The following MGST1 variants were observed in gnomAD, a reference collection of about 807,000 sequenced individuals.
The protein encoded by MGST1 is glutathione S-transferase 12.
In MGST1, 5 loss-of-function variants were observed where a neutral mutation model predicts 8.9. That is an observed-to-expected ratio of 0.56 (90% CI 0.29 to 1.19). The LOEUF is 1.19. MGST1 is among the 50% of genes most tolerant of loss of function. MGST1 has a pLI of 0.08. For missense variants in MGST1, 182 were observed against 187.4 expected (o/e 0.97, Z 0.17); for synonymous variants, 54 against 67.8 (o/e 0.80, Z 1.00).
chr12:16,502,101 A>G (rs1591746344), intron 4 of MGST1, among the ~76,000 whole-genome samples: 2 of 152,222 alleles, frequency 1.3e-5, no homozygotes, highest in East Asian at 3.8e-4. Context: ...ATTGTCGAAG[A>G]CAAATGAATT....
chr12:16,394,733 A>G (rs1163452400), intron 1 of MGST1, among the ~76,000 whole-genome samples: 1 of 151,882 alleles, frequency 6.6e-6, no homozygotes, highest in East Asian at 1.9e-4. Flanking sequence ...AGTAGCTGGG[A>G]CTATAGGTGC....
At chr12:16,385,172 A>G (rs1261757410) in intron 1 of MGST1, among the ~76,000 whole-genome samples, 1 of 152,228 alleles carries the variant, frequency 6.6e-6, no homozygotes, top group Non-Finnish European at 1.5e-5. Context: ...ATTTGGAACT[A>G]AAGATCGCCT....
At chr12:16,387,266 G>C (rs1456390559) in intron 1 of MGST1, among the ~76,000 whole-genome samples, 1 of 152,164 alleles carries the variant, frequency 6.6e-6, no homozygotes, top group East Asian at 1.9e-4. Context: ...ATATATGGCT[G>C]TGGACCCATA....
chr12:16,468,392 G>A (rs1009825934), intron 4 of MGST1, among the ~76,000 whole-genome samples: 1 of 7,650 alleles, frequency 1.3e-4, no homozygotes, highest in African/African-American at 1.5e-4. Flanking sequence ...ATTTGTATCG[G>A]GTCTCGTTGT....
chr12:16,386,905 A>C (rs1197684951), intron 1 of MGST1, among the ~76,000 whole-genome samples: 1 of 152,168 alleles, frequency 6.6e-6, no homozygotes, highest in Non-Finnish European at 1.5e-5. Flanking sequence ...CACAATATAC[A>C]CTGTCCACCC....
At chr12:16,367,490 C>T (rs1205072827), downstream of MGST1, 2 of 152,248 alleles carry the variant, frequency 1.3e-5, no homozygotes, top group South Asian at 2.1e-4. Flanking sequence ...CTGCTTTGGT[C>T]AAGCTGCCCT....
chr12:16,434,714 G>T (rs1023407185), intron 1 of MGST1, among the ~76,000 whole-genome samples: 7 of 151,642 alleles, frequency 4.6e-5, no homozygotes, highest in Non-Finnish European at 7.4e-5. Flanking sequence ...GTGCTAAATT[G>T]TTTTTGGAGC....
chr12:16,399,665 C>T, intron 1 of MGST1: 2 of 1,555,544 alleles, frequency 1.3e-6, no homozygotes, highest in Non-Finnish European at 8.9e-7. Context: ...CCAGAAAAGA[C>T]CAGACACCTT....
rs1030625546 is a variant in MGST1 at position 16,401,889 on chromosome 12, C to T, written n.778+18285C>T. The T allele has an allele frequency of 6.7e-5, 108 of 1,604,096 alleles. No homozygotes were observed. Among genetic ancestry groups the T allele is most frequent in the East Asian group, 2.2e-4 (10 of 44,856 alleles). On this transcript the variant is annotated intron_variant and non_coding_transcript_variant, in intron 1 of 1. Coordinates refer to the MGST1 transcript ENST00000359720. The surrounding 1 kb of genome is among the most constrained non-coding windows in gnomAD (Gnocchi z 4.3). ...TGCTTTCTTCATTAATTTGAGCTCCCCATCCTCCCTTACAGCGACTGTATA... is the reference window on the plus strand; with the variant it reads ...TGCTTTCTTCATTAATTTGAGCTCCTCATCCTCCCTTACAGCGACTGTATA...
chr12:16,412,151 T>C (rs573517147), intron 1 of MGST1, among the ~76,000 whole-genome samples: 11 of 152,350 alleles, frequency 7.2e-5, no homozygotes, highest in African/African-American at 2.4e-4. Context: ...TTTCCTCTTA[T>C]AGATCAAATT....
chr12:16,508,436 C>T (rs1303387322), intron 4 of MGST1, among the ~76,000 whole-genome samples: 2 of 152,164 alleles, frequency 1.3e-5, no homozygotes, highest in East Asian at 3.9e-4. Context: ...AATTTTAGAA[C>T]TCACGGGGGA....
At chr12:16,378,228 A>G (rs973091247), downstream of MGST1, among the ~76,000 whole-genome samples, 2 of 152,234 alleles carry the variant, frequency 1.3e-5, no homozygotes, top group African/African-American at 4.8e-5. Context: ...GCCCATGCCT[A>G]TGTCCTGAAT....
chr12:16,384,300 G>A (rs528570495), intron 1 of MGST1, among the ~76,000 whole-genome samples: 4 of 152,232 alleles, frequency 2.6e-5, no homozygotes, highest in East Asian at 3.9e-4. Flanking sequence ...TGGAAAAAAG[G>A]GTTTGGGCAG....
At position 16,401,138 on chromosome 12, in the gene MGST1, C is replaced by G; in HGVS notation, n.778+17534C>G. The G allele has an allele frequency of 2.2e-5, 35 of 1,567,774 alleles. No individual in the cohort carries two copies. Among genetic ancestry groups the G allele is most frequent in the Non-Finnish European group, 2.8e-5 (32 of 1,138,746 alleles). On this transcript the variant is annotated intron_variant and non_coding_transcript_variant, in intron 1 of 1. Transcript: ENST00000359720. The surrounding 1 kb of genome is among the most constrained non-coding windows in gnomAD (Gnocchi z 4.3). ...TCATCTTCGTTCCTTAGGAAAATAC[C>G]CACATTCTTCACTTTCTTCTTCACA...
intron 4 of MGST1, among the ~76,000 whole-genome samples, chr12:16,565,150 A>G (rs939614527): frequency 1.3e-5 from 2 of 152,212 alleles, no homozygotes; most frequent in African/African-American, 4.8e-5. Context: ...TTTAAAAAAA[A>G]CTATAGAATA....
intron 4 of MGST1, among the ~76,000 whole-genome samples, chr12:16,558,623 G>A (rs1942278033): frequency 6.6e-6 from 1 of 152,004 alleles, no homozygotes. Flanking sequence ...AACTTACTTT[G>A]ATTCTCAGTA....
At chr12:16,514,484 C>A in intron 4 of MGST1, 1 of 250,458 alleles carries the variant, frequency 4.0e-6, no homozygotes, top group Non-Finnish European at 8.1e-6. Context: ...GTTCTACCCA[C>A]TACTGGCCAC....
chr12:16,371,678 A>C (rs1940296029), intron 3 of MGST1, among the ~76,000 whole-genome samples: 1 of 152,134 alleles, frequency 6.6e-6, no homozygotes, highest in Admixed American at 6.6e-5. Context: ...CTTTGTTACA[A>C]AAAAAGGTAC....
rs1433683850 is a variant in MGST1 at position 16,517,961 on chromosome 12, CAG to C, written n.483-71565_483-71564del. ...AATGTTGTTCTTCACACCCAAGGAC[CAG>C]ACACTAGGCAGTGATACATTCACCA... On this transcript the variant is annotated intron_variant and non_coding_transcript_variant, in intron 4 of 4. Coordinates refer to the MGST1 transcript ENST00000538857. The surrounding 1 kb of genome is among the most constrained non-coding windows in gnomAD (Gnocchi z 4.2). 6.6e-6 allele frequency among the ~76,000 whole-genome samples: 1 copy of C among 152,110 alleles called. No homozygotes were observed. The highest frequency in any genetic ancestry group is 1.5e-5 in the Non-Finnish European group (1 of 68,012).
Sources: gnomAD v4.1 joint callset for allele counts (sites outside exome capture counted in the v4.1 genomes callset) on GRCh38, gnomAD v4.1.1 for gene constraint, Gnocchi (gnomAD v3.1) non-coding constraint, MANE v1.5 for transcripts, NCBI Gene and HGNC (gene_info 2026-07-23, HGNC 2026-07-21) for gene names.